Variants in DHRSX observed in about 807,000 individuals in gnomAD.
The protein encoded by DHRSX is polyprenol dehydrogenase.
DHRSX carries 31 observed loss-of-function variants against 34.0 expected under a neutral mutation model. The observed-to-expected ratio is 0.91, with a 90% CI of 0.69 to 1.23. DHRSX has a LOEUF of 1.23. Among genes scored for constraint, DHRSX ranks in the 50% most tolerant of loss-of-function variants. The probability of loss-of-function intolerance (pLI) is 0.00; values close to 1 mark genes in which losing one functional copy is unlikely to be tolerated. For synonymous variants in DHRSX, 201 were observed against 183.8 expected (o/e 1.09, Z -0.76); for missense variants, 414 against 428.1 (o/e 0.97, Z 0.29).
chrX:2,457,196 G>A (rs1007134516), intron 1 of DHRSX, among the ~76,000 whole-genome samples: 2 of 152,146 alleles, frequency 1.3e-5, no homozygotes, highest in African/African-American at 4.8e-5. Context: ...CGTTTTCTAA[G>A]AATGTGGCCA....
rs1159604296 is a variant in DHRSX at position 2,239,005 on chromosome X, A to G, written c.804+4018T>C. On this transcript the variant is annotated intron_variant, in intron 6 of 6. Coordinates refer to ENST00000334651, the MANE Select transcript of DHRSX (RefSeq NM_145177.3). ...GACAGCATCAAGCTACTGCAGCTGT[A>G]TAGCCTTTTCTTTAAAATTCTTACA... is the stretch of plus-strand genomic sequence containing the variant. Among the ~76,000 whole-genome samples the G allele has an allele frequency of 2.6e-5, 4 of 152,190 alleles. No individual in the cohort carries two copies. In the East Asian group the frequency reaches 5.8e-4, roughly 22 times the overall value.
At chrX:2,485,797 GAGAA>G (rs1351285877) in intron 1 of DHRSX, among the ~76,000 whole-genome samples, 2 of 42,608 alleles carry the variant, frequency 4.7e-5, no homozygotes, top group African/African-American at 1.1e-4. Flanking sequence ...AGAGAAGGGA[GAGAA>G]GGAAGGAAGG....
chrX:2,424,687 T>C (rs1283231804), intron 2 of DHRSX, among the ~76,000 whole-genome samples: 4 of 152,190 alleles, frequency 2.6e-5, no homozygotes, highest in Non-Finnish European at 5.9e-5. Context: ...AAGCAGAATA[T>C]ATATCTACTT....
chrX:2,269,763 C>T (rs1012939860), intron 4 of DHRSX, among the ~76,000 whole-genome samples: 27 of 152,284 alleles, frequency 1.8e-4, no homozygotes, highest in African/African-American at 6.0e-4. Context: ...TGCTCTCAAA[C>T]TCCTGACCTC....
intron 1 of DHRSX, among the ~76,000 whole-genome samples, chrX:2,456,593 G>A (rs1015707937): frequency 2.2e-5 from 3 of 134,036 alleles, no homozygotes; most frequent in African/African-American, 2.9e-5. Flanking sequence ...CAGCCTGGGG[G>A]ACACAGCAAG....
intron 3 of DHRSX, among the ~76,000 whole-genome samples, chrX:2,403,539 A>C (rs2043513763): frequency 6.6e-6 from 1 of 152,140 alleles, no homozygotes; most frequent in South Asian, 2.1e-4. Context: ...TCCTACACAA[A>C]CTTTTCCAAG....
At chrX:2,240,285 C>G (rs2016110471) in intron 6 of DHRSX, among the ~76,000 whole-genome samples, 1 of 141,862 alleles carries the variant, frequency 7.0e-6, no homozygotes, top group Non-Finnish European at 1.5e-5. Flanking sequence ...GAGCGAGACT[C>G]TATCTCAAAA....
chrX:2,343,244 G>A (rs2042662368), intron 3 of DHRSX, among the ~76,000 whole-genome samples: 1 of 152,146 alleles, frequency 6.6e-6, no homozygotes, highest in African/African-American at 2.4e-5. Flanking sequence ...AGAGAGAAGA[G>A]CTCTGACCTA....
intron 3 of DHRSX, among the ~76,000 whole-genome samples, chrX:2,349,777 C>G (rs1020855983): frequency 3.0e-4 from 46 of 152,166 alleles, no homozygotes; most frequent in African/African-American, 1.1e-3. Flanking sequence ...CAAGGTGGCT[C>G]ACGCCTGTAA....
At chrX:2,488,447 T>G in intron 1 of DHRSX, 1 of 738,558 alleles carries the variant, frequency 1.4e-6, no homozygotes, top group Non-Finnish European at 2.1e-6. Context: ...AGTGCTGCGA[T>G]TATAGACAGG....
chrX:2,313,884 G>A (rs1160378128), intron 3 of DHRSX, among the ~76,000 whole-genome samples: 3 of 152,000 alleles, frequency 2.0e-5, no homozygotes, highest in Non-Finnish European at 4.4e-5. Flanking sequence ...GTTTGGTTCA[G>A]AAAGGTGGGA....
chrX:2,379,085 G>T (rs144126931), intron 3 of DHRSX, among the ~76,000 whole-genome samples: 317 of 152,276 alleles, frequency 2.1e-3, no homozygotes, highest in African/African-American at 7.2e-3. Context: ...CCGTCTAGTT[G>T]CAGGAAAGGC....
At chrX:2,226,404 T>C (rs971463595) in intron 6 of DHRSX, among the ~76,000 whole-genome samples, 6 of 152,126 alleles carry the variant, frequency 3.9e-5, no homozygotes, top group African/African-American at 1.2e-4. Flanking sequence ...TCTGTGTTCA[T>C]GGGACTGTTC....
At chrX:2,370,590 G>GAAAAAAAAAAAC (rs2043045589) in intron 3 of DHRSX, among the ~76,000 whole-genome samples, 1 of 132,696 alleles carries the variant, frequency 7.5e-6, no homozygotes, top group Non-Finnish European at 1.6e-5. Flanking sequence ...TGGTTTTACT[G>GAAAAAAAAAAAC]AAAAAAAAAA....
chrX:2,479,865 C>T (rs1238062764), intron 1 of DHRSX, among the ~76,000 whole-genome samples: 1 of 152,018 alleles, frequency 6.6e-6, no homozygotes, highest in Non-Finnish European at 1.5e-5. Flanking sequence ...ATGGGACTGT[C>T]GCCATGTACA....
At chrX:2,224,757 C>T (rs1287530867) in intron 6 of DHRSX, among the ~76,000 whole-genome samples, 1 of 152,078 alleles carries the variant, frequency 6.6e-6, no homozygotes, top group Non-Finnish European at 1.5e-5. Flanking sequence ...CACTTACTTG[C>T]ACATGCATAC....
intron 2 of DHRSX, among the ~76,000 whole-genome samples, chrX:2,423,255 A>G (rs1400405346): frequency 1.3e-5 from 2 of 152,016 alleles, no homozygotes; most frequent in Non-Finnish European, 2.9e-5. Flanking sequence ...TCTACTAAAA[A>G]TACAAAAATT....
At chrX:2,449,086 G>A (rs1009242257) in intron 1 of DHRSX, among the ~76,000 whole-genome samples, 2 of 152,058 alleles carry the variant, frequency 1.3e-5, no homozygotes, top group African/African-American at 4.8e-5. Flanking sequence ...CTACTCAGGA[G>A]GCTGAGACAG....
chrX:2,261,669 G>C (rs1041650662), intron 5 of DHRSX: 6 of 151,984 alleles, frequency 3.9e-5, no homozygotes, highest in African/African-American at 1.5e-4. Context: ...CTGCTTGGGA[G>C]TCGAGGCAAG....
Sources: gnomAD v4.1 joint callset for allele counts (sites outside exome capture counted in the v4.1 genomes callset) on GRCh38, gnomAD v4.1.1 for gene constraint, MANE v1.5 for transcripts, NCBI Gene and HGNC (gene_info 2026-07-23, HGNC 2026-07-21) for gene names.